GOLGA4: variants seen among roughly 807,000 people sequenced by gnomAD.
GOLGA4 encodes golgin A4.
A neutral mutation model predicts 265.9 loss-of-function variants in GOLGA4; 169 were observed. The observed-to-expected ratio is 0.64, with a 90% CI of 0.56 to 0.72. GOLGA4 has a LOEUF of 0.72. Ranked by LOEUF, GOLGA4 falls within the 30% of genes least tolerant of loss-of-function variation. GOLGA4 has a pLI of 0.00. For missense variants in GOLGA4, 2,482 were observed against 2,483.4 expected, an observed-to-expected ratio of 1.00 and a Z score of 0.01; for synonymous variants, 923 against 855.8, an observed-to-expected ratio of 1.08 and a Z score of -1.37.
Position 37,341,878 on chromosome 3 carries a change from CATAAT to C in GOLGA4, c.6472+1681_6472+1685del, listed in dbSNP as rs1207637958. ...TATACAATTTATTTAATAGCTAACTCATAATACTAAGCGCTAAACACTTACAAACA... is the reference window on the plus strand; with the variant it reads ...TATACAATTTATTTAATAGCTAACTCACTAAGCGCTAAACACTTACAAACA... On this transcript the variant is annotated intron_variant, in intron 20 of 23. Coordinates refer to ENST00000361924, the MANE Select transcript of GOLGA4 (RefSeq NM_002078.5). The C allele has an allele frequency of 2.6e-5, 4 of 152,304 alleles. No individual in the cohort carries two copies. In the East Asian group the frequency reaches 7.7e-4, roughly 29 times the overall value. 9.4% of individuals were successfully genotyped at this position (152,304 alleles called of 1,614,324 possible). A position where few individuals can be genotyped will look rare whatever the true frequency, so the allele number is the denominator to read the frequency against.
chr3:37,316,224 C>A (rs1278409619), intron 11 of GOLGA4, among the ~76,000 whole-genome samples: 2 of 136,130 alleles, frequency 1.5e-5, no homozygotes, highest in African/African-American at 2.8e-5. Flanking sequence ...GCTTGTTTTT[C>A]CTCCTGTCAT....
At chr3:37,272,441 G>A (rs2096801293) in intron 2 of GOLGA4, among the ~76,000 whole-genome samples, 1 of 152,154 alleles carries the variant, frequency 6.6e-6, no homozygotes, top group Non-Finnish European at 1.5e-5. Flanking sequence ...GGAGGCTGAG[G>A]TGAGAGGATC....
chr3:37,258,025 GTATATATGTATA>G (rs1197750514), intron 2 of GOLGA4, among the ~76,000 whole-genome samples: 1 of 72,660 alleles, frequency 1.4e-5, no homozygotes, highest in Non-Finnish European at 2.6e-5. Flanking sequence ...ATATATGTAT[GTATATATGTATA>G]TATACATACA....
chr3:37,361,682 A>C (rs1696285409), intron 23 of GOLGA4, among the ~76,000 whole-genome samples: 1 of 152,240 alleles, frequency 6.6e-6, no homozygotes, highest in African/African-American at 2.4e-5. Context: ...CATTTTCTAG[A>C]TAAAAATGAA....
intron 2 of GOLGA4, chr3:37,273,683 T>C: frequency 1.3e-6 from 1 of 748,190 alleles, no homozygotes. Context: ...AGCATCTGAC[T>C]TTACATTGAA....
chr3:37,290,168 A>G (rs2096861147), intron 5 of GOLGA4, among the ~76,000 whole-genome samples: 2 of 152,228 alleles, frequency 1.3e-5, no homozygotes, highest in Admixed American at 6.5e-5. Context: ...TAATAAATCT[A>G]TAAATAGTAA....
chr3:37,258,025 GTATATATGTA>G, intron 2 of GOLGA4, among the ~76,000 whole-genome samples: 1 of 72,664 alleles, frequency 1.4e-5, no homozygotes, highest in East Asian at 2.7e-4. Context: ...ATATATGTAT[GTATATATGTA>G]TATATACATA....
chr3:37,324,546 T>G lies in GOLGA4; in HGVS notation c.2660T>G (p.Val887Gly). 1 of 1,613,680 alleles carries G rather than the reference T, an allele frequency of 6.2e-7. No homozygotes were observed. Among genetic ancestry groups the G allele is most frequent in the Middle Eastern group, 1.6e-4 (1 of 6,062 alleles). ...CAAAAAGTAAAATCTTTAACCCAAG[T>G]CTATGAGTCCAAACTTGAAGATGGT... ...MEQKVKSLTQ[V>G]YESKLEDGNK... The change falls in exon 14 of 24, where the codon GTC becomes GGC. Residue 887 changes from valine to glycine, a missense_variant. Val to Gly is a moderately radical substitution (Grantham distance 109). Around this residue, in one of 3 missense-constraint regions of GOLGA4, gnomAD observed 1,536 missense variants for 1,483.7 expected, o/e 1.04. Coordinates refer to ENST00000361924, the MANE Select transcript of GOLGA4 (RefSeq NM_002078.5).
chr3:37,275,728 G>A, intron 2 of GOLGA4: 1 of 1,612,578 alleles, frequency 6.2e-7, no homozygotes. Flanking sequence ...CCAAGAAGAT[G>A]GACAAGATGG....
In GOLGA4 at chr3:37,302,267, G is replaced by C. The variant is rs766263520; in HGVS notation, c.1169G>C (p.Arg390Pro). The C allele has an allele frequency of 3.7e-6, 6 of 1,611,830 alleles. No homozygotes were observed. The Admixed American group carries it at 1.0e-4, about 27-fold the overall frequency. The change falls in exon 10 of 24, where the codon CGC becomes CCC. Residue 390 changes from arginine to proline, a missense_variant. Physicochemically the swap from Arg to Pro is moderately radical, Grantham distance 103. Around this residue, in one of 3 missense-constraint regions of GOLGA4, gnomAD observed 1,536 missense variants for 1,483.7 expected, o/e 1.04. Transcript: ENST00000361924. Reference protein sequence around the residue: ...KEEEIAQLRSRIKQMTTQGEE... With the variant: ...KEEEIAQLRSPIKQMTTQGEE... The stretch of plus-strand genomic sequence containing the variant: ...GAAGAAATTGCTCAACTCCGTAGTC[G>C]CATCAAACAGATGACTACCCAGGGA...
intron 23 of GOLGA4, among the ~76,000 whole-genome samples, chr3:37,362,240 AT>A (rs773620319): frequency 3.2e-5 from 3 of 93,994 alleles, no homozygotes; most frequent in Admixed American, 2.0e-4. Flanking sequence ...TTTATTTATT[AT>A]TTTTTTTTTT....
At position 37,340,170 on chromosome 3, in the gene GOLGA4, A is replaced by G. The variant is rs761019730; in HGVS notation, c.6443A>G (p.Tyr2148Cys). Reference sequence around the variant, plus strand: ...TTGAAGAAATATGAAAAGAATGTATATGCAACAACTGTGGGGACACCTTAC... The same window carrying G: ...TTGAAGAAATATGAAAAGAATGTATGTGCAACAACTGTGGGGACACCTTAC... The part of the protein sequence containing the change: ...DRLKKYEKNV[Y>C]ATTVGTPYKG... Residue 2148 changes from tyrosine to cysteine, a missense_variant, in exon 20 of 24, where the codon TAT becomes TGT. By Grantham distance (194) the Tyr-to-Cys change is radical. Transcript: ENST00000361924. 2.1e-6 allele frequency: 3 copies of G among 1,435,332 alleles called. No homozygotes were observed. The highest frequency in any genetic ancestry group is 1.4e-5 in the African/African-American group (1 of 70,138). 88.9% of individuals were successfully genotyped at this position (1,435,332 alleles called of 1,614,324 possible).
chr3:37,327,640 T>C lies in GOLGA4; in HGVS notation c.5754T>C (p.Leu1918=), dbSNP rs758454545. ...CACATTTGGTCCAACCCAAATTGCT[T>C]AGTAACATGGAAGCCCAGCACAATG... ...SKSHLVQPKL[L]SNMEAQHNDL... Residue 1918 remains leucine (L), a synonymous_variant, in exon 14 of 24, where the codon CTT becomes CTC. Transcript: ENST00000361924. The C allele has an allele frequency of 6.2e-7, 1 of 1,613,908 alleles. No individual in the cohort carries two copies. The highest frequency in any genetic ancestry group is 8.5e-7 in the Non-Finnish European group (1 of 1,179,844).
In GOLGA4 at chr3:37,327,723, T is replaced by G; in HGVS notation, c.5837T>G (p.Ile1946Ser). Residue 1946 changes from isoleucine to serine, a missense_variant, in exon 14 of 24, where the codon ATT (isoleucine) becomes AGT (serine). By Grantham distance (142) the Ile-to-Ser change is moderately radical. Around this residue, in one of 3 missense-constraint regions of GOLGA4, gnomAD observed 942 missense variants for 983.1 expected, o/e 0.96. Transcript: ENST00000361924. The part of the protein sequence containing the change: ...EREKQKLGKE[I>S]VRLQKDLRML... ...GAGAAACAGAAACTGGGCAAGGAGA[T>G]TGTTAGATTGCAGAAAGACCTTCGA... is the stretch of plus-strand genomic sequence containing the variant. 5 of 1,613,588 alleles carry G rather than the reference T, an allele frequency of 3.1e-6. No individual in the cohort carries two copies. The highest frequency in any genetic ancestry group is 3.4e-6 in the Non-Finnish European group (4 of 1,179,640).
chr3:37,274,121 AT>A (rs2096806808), intron 2 of GOLGA4, among the ~76,000 whole-genome samples: 7 of 149,788 alleles, frequency 4.7e-5, no homozygotes, highest in Non-Finnish European at 8.9e-5. Flanking sequence ...AAAAAAGATA[AT>A]AATAATAATT....
At chr3:37,354,267 T>G (rs2097084080) in intron 21 of GOLGA4, among the ~76,000 whole-genome samples, 1 of 152,052 alleles carries the variant, frequency 6.6e-6, no homozygotes. Flanking sequence ...TAGAGTCAGT[T>G]TTCTGGGCTA....
rs373167384 is a variant in GOLGA4 at position 37,282,031 on chromosome 3, C to T, written c.236C>T (p.Pro79Leu). 63 of 1,613,850 alleles carry T rather than the reference C, an allele frequency of 3.9e-5. No individual in the cohort carries two copies. The highest frequency in any genetic ancestry group is 1.6e-4 in the Middle Eastern group (1 of 6,084). The stretch of plus-strand genomic sequence containing the variant: ...TCCGTGGAGTCTTTGTTTCGAAGTC[C>T]GATAAAGGAATCTCTATTCCGGTCT... The part of the protein sequence containing the change: ...VPSVESLFRS[P>L]IKESLFRSSS... Residue 79 changes from proline (P) to leucine (L), a missense_variant, in exon 3 of 24, where the codon CCG becomes CTG. Around this residue, in one of 3 missense-constraint regions of GOLGA4, gnomAD observed 1,536 missense variants for 1,483.7 expected, o/e 1.04. Coordinates refer to ENST00000361924, the MANE Select transcript of GOLGA4 (RefSeq NM_002078.5).
intron 2 of GOLGA4, among the ~76,000 whole-genome samples, chr3:37,279,444 C>T (rs573145871): frequency 1.6e-4 from 24 of 152,346 alleles, no homozygotes; most frequent in Admixed American, 5.2e-4. Flanking sequence ...TTCTCTCATG[C>T]GAGCATGCCC....
intron 7 of GOLGA4, 39 bp downstream of exon 7, chr3:37,296,258 G>T (rs776410130): frequency 6.2e-7 from 1 of 1,605,824 alleles, no homozygotes; most frequent in Non-Finnish European, 8.5e-7. Context: ...TTAAAAACTA[G>T]AGGAGAGCCA....
Sources: gnomAD v4.1 joint callset for allele counts (sites outside exome capture counted in the v4.1 genomes callset) on GRCh38, gnomAD v4.1.1 for gene constraint, gnomAD v4.1.1 regional missense constraint, MANE v1.5 for transcripts, NCBI Gene and HGNC (gene_info 2026-07-23, HGNC 2026-07-21) for gene names.